Variants in GCNT2 observed in about 807,000 individuals in gnomAD.
GCNT2 encodes N-acetyllactosaminide beta-1,6-N-acetylglucosaminyl-transferase.
GCNT2 carries 34 observed loss-of-function variants against 34.2 expected under a neutral mutation model. That is an observed-to-expected ratio of 1.00 (90% confidence interval 0.76 to 1.32). GCNT2 has a LOEUF of 1.32. Ranked by LOEUF, GCNT2 falls within the 40% of genes most tolerant of loss-of-function variation. The pLI, the probability that GCNT2 is intolerant of heterozygous loss-of-function variation, is 0.00. For synonymous variants in GCNT2, 212 were observed against 188.0 expected (o/e 1.13, Z -1.04); for missense variants, 584 against 489.4 (o/e 1.19, Z -1.82).
intron 3 of GCNT2, among the ~76,000 whole-genome samples, chr6:10,603,817 CT>C (rs571206713): frequency 0.094 from 10,712 of 114,310 alleles, 427 homozygotes; most frequent in South Asian, 0.19. Flanking sequence ...GCCTGACAGT[CT>C]TTTTTTTTTT....
At chr6:10,593,528 G>C (rs970359030) in intron 3 of GCNT2, among the ~76,000 whole-genome samples, 1 of 152,028 alleles carries the variant, frequency 6.6e-6, no homozygotes, top group Non-Finnish European at 1.5e-5. Context: ...TGTAGAGATG[G>C]GATCTCGATA....
intron 3 of GCNT2, among the ~76,000 whole-genome samples, chr6:10,579,841 A>AAAAAC (rs1648159043): frequency 1.5e-4 from 23 of 148,846 alleles, no homozygotes; most frequent in African/African-American, 5.5e-4. Context: ...AAAAAAAAAA[A>AAAAAC]AAAAAAACAA....
chr6:10,545,119 C>T (rs895804259), intron 3 of GCNT2, among the ~76,000 whole-genome samples: 2 of 152,048 alleles, frequency 1.3e-5, no homozygotes, highest in African/African-American at 2.4e-5. Context: ...GTGGGTACAG[C>T]CCCCCAGCCC....
At chr6:10,589,057 G>GGT (rs1479458546) in intron 3 of GCNT2, among the ~76,000 whole-genome samples, 2 of 142,334 alleles carry the variant, frequency 1.4e-5, no homozygotes, top group Admixed American at 1.4e-4. Context: ...GTGTGTGTGT[G>GGT]GTGTGTGTGT....
chr6:10,569,863 T>TTCTTTC (rs1319659043), intron 3 of GCNT2, among the ~76,000 whole-genome samples: 2 of 116,274 alleles, frequency 1.7e-5, no homozygotes, highest in South Asian at 2.4e-4. Context: ...TTCTTTCTCT[T>TTCTTTC]TCTTTCTTTC....
intron 3 of GCNT2, chr6:10,586,518 C>CT (rs760692747): frequency 1.2e-6 from 2 of 1,614,154 alleles, no homozygotes; most frequent in East Asian, 4.5e-5. Context: ...TCTGAAAGAC[C>CT]TTGTCGCCTC....
At chr6:10,575,609 A>G (rs1012487542) in intron 3 of GCNT2, among the ~76,000 whole-genome samples, 2 of 152,172 alleles carry the variant, frequency 1.3e-5, no homozygotes, top group Admixed American at 6.5e-5. Flanking sequence ...ACTTGCACGT[A>G]TATGCCCAGA....
chr6:10,589,102 AGT>A (rs143468944), intron 3 of GCNT2, among the ~76,000 whole-genome samples: 52,513 of 103,434 alleles, frequency 0.51, 10,772 homozygotes, highest in East Asian at 0.66. Context: ...GTGTGTGTGT[AGT>A]GTGTGTGTGG....
intron 3 of GCNT2, among the ~76,000 whole-genome samples, chr6:10,604,972 C>G (rs373122927): frequency 8.6e-4 from 130 of 151,916 alleles, no homozygotes; most frequent in Admixed American, 1.8e-3. Flanking sequence ...TAGCAAGACC[C>G]TGTCTCTATA....
chr6:10,545,640 C>T (rs1413104678), intron 3 of GCNT2, among the ~76,000 whole-genome samples: 1 of 152,124 alleles, frequency 6.6e-6, no homozygotes, highest in Admixed American at 6.6e-5. Context: ...ATCAGTCACC[C>T]TTGTAGAATT....
At chr6:10,540,656 C>T (rs1424170865) in intron 3 of GCNT2, among the ~76,000 whole-genome samples, 1 of 152,164 alleles carries the variant, frequency 6.6e-6, no homozygotes, top group Non-Finnish European at 1.5e-5. Flanking sequence ...TATCACTTTG[C>T]ATGAGGAACG....
At chr6:10,558,833 C>T (rs1333390173) in intron 3 of GCNT2, among the ~76,000 whole-genome samples, 4 of 152,218 alleles carry the variant, frequency 2.6e-5, no homozygotes, top group Admixed American at 6.5e-5. Context: ...ACACTGTTTC[C>T]GCACCTGCCT....
chr6:10,566,214 C>T (rs1763277985), intron 3 of GCNT2, among the ~76,000 whole-genome samples: 1 of 151,800 alleles, frequency 6.6e-6, no homozygotes, highest in Admixed American at 6.6e-5. Context: ...CTTAGAGTCA[C>T]ACTCTGTAAA....
At position 10,557,347 on chromosome 6, in the gene GCNT2, G is replaced by A. The variant is rs979052979; in HGVS notation, c.925+27511G>A. ...TGACACTCAATAGGATTCCAGGTACGTACAATTCCATATTTCATGCAAAAG... is the reference window on the plus strand; with the variant it reads ...TGACACTCAATAGGATTCCAGGTACATACAATTCCATATTTCATGCAAAAG... On this transcript the variant is annotated intron_variant, in intron 3 of 4. Transcript: ENST00000495262. 8.7e-6 allele frequency: 14 copies of A among 1,604,714 alleles called. No homozygotes were observed. The highest frequency in any genetic ancestry group is 2.2e-5 in the South Asian group (2 of 90,886).
Position 10,529,226 on chromosome 6 carries a change from A to C in GCNT2, c.315A>C (p.Lys105Asn), listed in dbSNP as rs1402281104. 1 of 1,614,206 alleles carries C rather than the reference A, an allele frequency of 6.2e-7. No individual in the cohort carries two copies. Among genetic ancestry groups the C allele is most frequent in the Non-Finnish European group, 8.5e-7 (1 of 1,180,022 alleles). ...TAGCTTACACAGTGACCATCCACAA[A>C]GACTTCGGCACTTTTGAGAGGCTCT... ...FPLAYTVTIH[K>N]DFGTFERLFR... The change falls in exon 3 of 5, where the codon AAA (lysine) becomes AAC (asparagine). Residue 105 changes from lysine (K) to asparagine (N), a missense_variant. By Grantham distance (94) the Lys-to-Asn change is moderately conservative. Coordinates refer to ENST00000495262, the MANE Select transcript of GCNT2 (RefSeq NM_145649.5).
chr6:10,579,378 T>C (rs1299813106), intron 3 of GCNT2, among the ~76,000 whole-genome samples: 4 of 152,190 alleles, frequency 2.6e-5, no homozygotes, highest in African/African-American at 9.7e-5. Context: ...TATTAATCCA[T>C]TTCTATTTGT....
chr6:10,541,333 G>A (rs1280089551), intron 3 of GCNT2, among the ~76,000 whole-genome samples: 2 of 152,140 alleles, frequency 1.3e-5, no homozygotes, highest in South Asian at 4.1e-4. Flanking sequence ...TCCCTGCAAA[G>A]GACATGATCT....
chr6:10,568,814 TC>T (rs1396196334), intron 3 of GCNT2, among the ~76,000 whole-genome samples: 1 of 152,174 alleles, frequency 6.6e-6, no homozygotes, highest in East Asian at 1.9e-4. Context: ...TGTCACCCTC[TC>T]TGTTTGTGCC....
chr6:10,576,076 T>G (rs35927392), intron 3 of GCNT2, among the ~76,000 whole-genome samples: 17,516 of 152,248 alleles, frequency 0.12, 1,248 homozygotes, highest in Middle Eastern at 0.18. Context: ...CACCATGTTG[T>G]CCAGGCTGGT....
Sources: allele counts gnomAD v4.1 joint callset (sites outside exome capture counted in the v4.1 genomes callset), GRCh38; gene constraint gnomAD v4.1.1; transcripts MANE v1.5; gene names NCBI Gene and HGNC (gene_info 2026-07-23, HGNC 2026-07-21).